The following DNAH8 variants were observed in gnomAD, a reference collection of about 807,000 sequenced individuals.
The protein encoded by DNAH8 is axonemal beta dynein heavy chain 8.
Under a neutral mutation model 562.1 loss-of-function variants are expected in DNAH8, and 382 were observed. That is an observed-to-expected ratio of 0.68 (90% confidence interval 0.63 to 0.74). DNAH8 has a LOEUF of 0.74. Among genes scored for constraint, DNAH8 ranks in the 30% least tolerant of loss-of-function variants. DNAH8 has a pLI of 0.00. For synonymous variants in DNAH8, 1,881 were observed against 1,919.4 expected (o/e 0.98, Z 0.52); for missense variants, 5,203 against 5,620.4 (o/e 0.93, Z 2.37).
At chr6:39,005,681 A>G (rs114336785) in intron 88 of DNAH8, among the ~76,000 whole-genome samples, 1,731 of 152,226 alleles carry the variant, frequency 0.011, 28 homozygotes, top group African/African-American at 0.038. Flanking sequence ...TCTTGCCTTC[A>G]TTCTTGAAAG....
chr6:38,925,978 C>A, intron 73 of DNAH8, 77 bp from the exon 74 acceptor site: 2 of 1,262,784 alleles, frequency 1.6e-6, no homozygotes, highest in Non-Finnish European at 2.1e-6. Flanking sequence ...AATTATTTTA[C>A]TTTACAGTAC....
At chr6:38,854,147 G>T (rs1775994838) in intron 41 of DNAH8, among the ~76,000 whole-genome samples, 1 of 152,008 alleles carries the variant, frequency 6.6e-6, no homozygotes, top group African/African-American at 2.4e-5. Flanking sequence ...AATCCATCTT[G>T]TCTTTAATTT....
At chr6:38,749,746 C>T (rs1765265847) in intron 8 of DNAH8, among the ~76,000 whole-genome samples, 1 of 152,194 alleles carries the variant, frequency 6.6e-6, no homozygotes, top group African/African-American at 2.4e-5. Context: ...TAAGCAGGTA[C>T]TATTTGATGA....
chr6:38,838,997 T>C (rs1352141597), intron 33 of DNAH8, among the ~76,000 whole-genome samples: 1 of 152,240 alleles, frequency 6.6e-6, no homozygotes, highest in Non-Finnish European at 1.5e-5. Flanking sequence ...TGAAATTTTC[T>C]GAAGAGAAAT....
intron 87 of DNAH8, among the ~76,000 whole-genome samples, chr6:38,988,450 T>C (rs1764554890): frequency 6.6e-6 from 1 of 152,214 alleles, no homozygotes; most frequent in Non-Finnish European, 1.5e-5. Flanking sequence ...CCAGGGCCTT[T>C]GCCCCCTTAG....
intron 11 of DNAH8, 86 bp from the exon 12 acceptor site, chr6:38,770,327 T>A (rs1264575912): frequency 2.5e-6 from 2 of 804,338 alleles, no homozygotes; most frequent in Non-Finnish European, 3.9e-6. Context: ...TTTGATCAGT[T>A]CTGTGTGAGG....
intron 41 of DNAH8, among the ~76,000 whole-genome samples, chr6:38,856,924 G>A (rs1335325197): frequency 6.6e-6 from 1 of 152,020 alleles, no homozygotes; most frequent in African/African-American, 2.4e-5. Flanking sequence ...CTTTTCTGGG[G>A]CAGAAATTGT....
At chr6:38,728,735 G>A (rs1763427303) in intron 3 of DNAH8, among the ~76,000 whole-genome samples, 2 of 152,262 alleles carry the variant, frequency 1.3e-5, no homozygotes, top group South Asian at 4.2e-4. Flanking sequence ...TCTCAAATGT[G>A]GTCCCAGGAC....
chr6:39,006,683 C>G (rs1418745343), intron 88 of DNAH8, among the ~76,000 whole-genome samples: 3 of 152,196 alleles, frequency 2.0e-5, no homozygotes, highest in African/African-American at 7.2e-5. Context: ...AAAATAAATT[C>G]TTGGCTTGAG....
Position 38,822,936 on chromosome 6 carries a change from T to A in DNAH8, c.3622T>A (p.Ser1208Thr), listed in dbSNP as rs1486976807. 1 of 1,613,780 alleles carries A rather than the reference T, an allele frequency of 6.2e-7. No homozygotes were observed. The highest frequency in any genetic ancestry group is 8.5e-7 in the Non-Finnish European group (1 of 1,179,866). The change falls in exon 27 of 93, where the codon TCC becomes ACC. Residue 1208 changes from serine (S) to threonine (T), a missense_variant. Ser to Thr is a moderately conservative substitution (Grantham distance 58, BLOSUM62 1). Around this residue, in one of 6 missense-constraint regions of DNAH8, gnomAD observed 2,176 missense variants for 2,365.1 expected, o/e 0.92. Transcript: ENST00000327475. ...DISKLVLLLS[S>T]SVNSLRKAAH... ...TTCTAAGTTGGTCCTGCTCCTTTCT[T>A]CCTCTGTAAATTCCCTAAGAAAGGC...
chr6:38,868,397 C>A (rs1011770767), intron 48 of DNAH8, among the ~76,000 whole-genome samples: 6 of 152,130 alleles, frequency 3.9e-5, no homozygotes, highest in Non-Finnish European at 8.8e-5. Flanking sequence ...TAAGTGCCTC[C>A]TTTTATCAGC....
At chr6:38,895,019 C>T (rs550136722) in intron 59 of DNAH8, among the ~76,000 whole-genome samples, 155 bp downstream of exon 59, 22 of 152,248 alleles carry the variant, frequency 1.4e-4, no homozygotes, top group South Asian at 6.2e-4. Context: ...ACCTCTGCCT[C>T]CCGGGTTCAA....
In DNAH8 at chr6:38,842,830, A is replaced by T. The variant is rs1271858384; in HGVS notation, c.4772A>T (p.Asp1591Val). 6.2e-7 allele frequency: 1 copy of T among 1,613,916 alleles called. No homozygotes were observed. The highest frequency in any genetic ancestry group is 1.1e-5 in the South Asian group (1 of 91,078). Residue 1591 changes from aspartate (D) to valine (V), a missense_variant, in exon 35 of 93, where the codon GAT becomes GTT. Around this residue, in one of 6 missense-constraint regions of DNAH8, gnomAD observed 2,176 missense variants for 2,365.1 expected, o/e 0.92. Coordinates refer to ENST00000327475, the MANE Select transcript of DNAH8 (RefSeq NM_001206927.2). ...RISELTGTPF[D>V]VESDSFCLRN... is the part of the protein sequence containing the mutation. ...TCCGAGTTAACTGGAACCCCATTTG[A>T]TGTGGAATCTGATTCTTTTTGCCTT...
intron 69 of DNAH8, 42 bp downstream of exon 69, chr6:38,917,448 G>T: frequency 6.4e-7 from 1 of 1,552,052 alleles, no homozygotes; most frequent in Non-Finnish European, 8.8e-7. Context: ...AGCTGCATCA[G>T]GCGTCCTCAG....
chr6:38,815,896 T>G (rs1168652642), intron 26 of DNAH8, among the ~76,000 whole-genome samples: 1 of 152,098 alleles, frequency 6.6e-6, no homozygotes, highest in African/African-American at 2.4e-5. Flanking sequence ...TTAGCACTAA[T>G]TTTACTTTCT....
At chr6:38,931,042 A>T (rs1164408521) in intron 75 of DNAH8, among the ~76,000 whole-genome samples, 1 of 152,132 alleles carries the variant, frequency 6.6e-6, no homozygotes, top group Non-Finnish European at 1.5e-5. Context: ...CATATTTAAT[A>T]TGCCAAAGGA....
rs773582929 is a variant in DNAH8 at position 38,918,112 on chromosome 6, G to C, written c.10496G>C (p.Gly3499Ala). ...SWTLAMAIFY[G>A]INREVLPLKA... ...ACACTTGCTATGGCAATATTTTATGGCATCAATAGAGAAGTGTTGCCTCTG... is the reference window on the plus strand; with the variant it reads ...ACACTTGCTATGGCAATATTTTATGCCATCAATAGAGAAGTGTTGCCTCTG... Residue 3499 changes from glycine (G) to alanine (A), a missense_variant, in exon 70 of 93, where the codon GGC (glycine) becomes GCC (alanine). Transcript: ENST00000327475. 6.8e-6 allele frequency: 11 copies of C among 1,613,234 alleles called. No individual in the cohort carries two copies. Among genetic ancestry groups the C allele is most frequent in the Non-Finnish European group, 8.5e-6 (10 of 1,179,576 alleles).
At chr6:38,903,202 A>G (rs1363462259) in intron 62 of DNAH8, among the ~76,000 whole-genome samples, 1 of 152,076 alleles carries the variant, frequency 6.6e-6, no homozygotes, top group African/African-American at 2.4e-5. Flanking sequence ...AGGCTGTGTA[A>G]TTTATTTAAA....
At position 38,826,196 on chromosome 6, in the gene DNAH8, G is replaced by A; in HGVS notation, c.3888G>A (p.Trp1296Ter). 6.2e-7 allele frequency: 1 copy of A among 1,612,556 alleles called. No homozygotes were observed. Among genetic ancestry groups the A allele is most frequent in the Non-Finnish European group, 8.5e-7 (1 of 1,179,386 alleles). The change falls in exon 29 of 93, where the codon TGG becomes TGA. Residue 1296 changes from tryptophan (W) to a stop codon, truncating the protein, a stop_gained. Transcript: ENST00000327475. LOFTEE classifies it high-confidence loss of function. Reference sequence around the variant, plus strand: ...CCTTATCCATCGAGGCCAAGGCATGGAAGATGTTACTCTGTCGATATCTGA... The same window carrying A: ...CCTTATCCATCGAGGCCAAGGCATGAAAGATGTTACTCTGTCGATATCTGA... ...KLALSIEAKAWKMLLCRYLNE... is the reference protein window; with the variant it reads ...KLALSIEAKA
Sources: allele counts gnomAD v4.1 joint callset (sites outside exome capture counted in the v4.1 genomes callset), GRCh38; gene constraint gnomAD v4.1.1; regional missense constraint gnomAD v4.1.1; transcripts MANE v1.5; gene names NCBI Gene and HGNC (gene_info 2026-07-23, HGNC 2026-07-21).